ROBO2: variants seen among roughly 807,000 people sequenced by gnomAD.
ROBO2 encodes the protein roundabout homolog 2.
In ROBO2, 53 loss-of-function variants were observed where a neutral mutation model predicts 160.8. That is an observed-to-expected ratio of 0.33 (90% CI 0.26 to 0.41). The LOEUF is 0.41. Among genes scored for constraint, ROBO2 ranks in the 10% least tolerant of loss-of-function variants. ROBO2 has a pLI of 1.00. For synonymous variants in ROBO2, 664 were observed against 611.7 expected, an observed-to-expected ratio of 1.09 and a Z score of -1.26; for missense variants, 1,577 against 1,722.4, an observed-to-expected ratio of 0.92 and a Z score of 1.49.
At chr3:76,564,739 C>A (rs1055652388) in intron 2 of ROBO2, among the ~76,000 whole-genome samples, 17 of 152,130 alleles carry the variant, frequency 1.1e-4, no homozygotes, top group African/African-American at 3.9e-4. Flanking sequence ...TTTCATAGTT[C>A]ACATTTTTCT....
chr3:76,993,642 C>G (rs73106483), intron 2 of ROBO2, among the ~76,000 whole-genome samples: 2,111 of 152,116 alleles, frequency 0.014, 21 homozygotes, highest in Middle Eastern at 0.037. Context: ...CCTAACGGCT[C>G]TACTCAAACA....
At chr3:76,691,964 A>G (rs931184686) in intron 2 of ROBO2, among the ~76,000 whole-genome samples, 3 of 152,304 alleles carry the variant, frequency 2.0e-5, no homozygotes, top group Admixed American at 6.5e-5. Context: ...ATCTTAGCCA[A>G]GAATAGGGAG....
chr3:77,257,594 C>G (rs948581839), intron 2 of ROBO2, among the ~76,000 whole-genome samples: 3 of 152,128 alleles, frequency 2.0e-5, no homozygotes, highest in African/African-American at 7.2e-5. Flanking sequence ...TGCAAATAGT[C>G]AAAATAAAGA....
exon 26 of ROBO2, chr3:77,649,361 T>C (rs559939285): frequency 1.3e-5 from 2 of 152,310 alleles, no homozygotes; most frequent in South Asian, 4.1e-4. Context: ...CACCTCTCAA[T>C]TTCTATTCAA....
chr3:76,108,551 A>G (rs774457829), intron 2 of ROBO2, among the ~76,000 whole-genome samples: 24 of 151,844 alleles, frequency 1.6e-4, no homozygotes, highest in Admixed American at 5.9e-4. Flanking sequence ...GTTTTGAATT[A>G]TATCTATACT....
intron 2 of ROBO2, among the ~76,000 whole-genome samples, chr3:76,191,635 G>T (rs1702009742): frequency 6.6e-6 from 1 of 151,724 alleles, no homozygotes; most frequent in South Asian, 2.1e-4. Context: ...TTCCTGCTTT[G>T]ATTTTTCTGC....
At chr3:76,924,011 G>T (rs1379944152) in intron 2 of ROBO2, among the ~76,000 whole-genome samples, 3 of 152,140 alleles carry the variant, frequency 2.0e-5, no homozygotes, top group Non-Finnish European at 4.4e-5. Flanking sequence ...ATCATTAATT[G>T]TCATCTCTTA....
intron 2 of ROBO2, among the ~76,000 whole-genome samples, chr3:76,604,762 T>C (rs532806409): frequency 3.3e-5 from 5 of 152,290 alleles, no homozygotes; most frequent in African/African-American, 1.2e-4. Context: ...TCTATGTTAC[T>C]ACAGAGAGTT....
intron 2 of ROBO2, among the ~76,000 whole-genome samples, chr3:76,279,542 C>G (rs1037887152): frequency 2.6e-5 from 4 of 151,770 alleles, no homozygotes; most frequent in African/African-American, 9.7e-5. Context: ...GAGTAAAGGC[C>G]AATTTATAGA....
chr3:77,629,837 T>G (rs1198923596), intron 23 of ROBO2: 1 of 152,206 alleles, frequency 6.6e-6, no homozygotes, highest in Non-Finnish European at 1.5e-5. Flanking sequence ...TAATTCCATA[T>G]GCCTACTGTT....
chr3:77,116,546 A>G (rs2074219610), intron 2 of ROBO2, among the ~76,000 whole-genome samples: 3 of 149,082 alleles, frequency 2.0e-5, no homozygotes, highest in Admixed American at 2.0e-4. Context: ...GTTACTTGCC[A>G]TTAAACTTGG....
At chr3:76,285,763 T>G (rs998819583) in intron 2 of ROBO2, among the ~76,000 whole-genome samples, 1 of 152,188 alleles carries the variant, frequency 6.6e-6, no homozygotes, top group African/African-American at 2.4e-5. Context: ...AATTTAACCT[T>G]TCTCCAAAAT....
At chr3:75,948,971 C>T (rs2107166964) in intron 2 of ROBO2, among the ~76,000 whole-genome samples, 1 of 152,090 alleles carries the variant, frequency 6.6e-6, no homozygotes, top group East Asian at 1.9e-4. Context: ...GAAATGATTA[C>T]TGTTTAGTTT....
chr3:76,021,698 C>T (rs1187832387), intron 2 of ROBO2, among the ~76,000 whole-genome samples: 4 of 151,796 alleles, frequency 2.6e-5, no homozygotes, highest in Non-Finnish European at 5.9e-5. Flanking sequence ...AATGCACATA[C>T]TTTAATTTTA....
rs140832076 is a variant in ROBO2 at position 77,078,677 on chromosome 3, C to A, written c.62-19337C>A. Among the ~76,000 whole-genome samples, 222 of 152,262 alleles carry A rather than the reference C, an allele frequency of 1.5e-3. 1 individual carries two copies. The highest frequency in any genetic ancestry group is 5.0e-3 in the African/African-American group (207 of 41,546). On this transcript the variant is annotated intron_variant, in intron 1 of 25. Transcript: ENST00000461745. ...TCAGAGAGACAAAGTGTTCTAGTAG[C>A]AAATGTAAAACAGAGTTGGGCCCAA... is the stretch of plus-strand genomic sequence containing the variant.
chr3:76,764,267 C>G (rs918069493), intron 2 of ROBO2, among the ~76,000 whole-genome samples: 5 of 44,150 alleles, frequency 1.1e-4, no homozygotes, highest in African/African-American at 4.5e-4. Flanking sequence ...ATGTCAACAC[C>G]TGATTTCAAT....
chr3:77,250,216 A>C (rs1326994853), intron 2 of ROBO2, among the ~76,000 whole-genome samples: 2 of 152,172 alleles, frequency 1.3e-5, no homozygotes, highest in Non-Finnish European at 2.9e-5. Context: ...ATTCTTGGTC[A>C]AGTTATTTAA....
At chr3:77,036,015 CTTAAA>C (rs2063613744), upstream of ROBO2, among the ~76,000 whole-genome samples, 1 of 151,802 alleles carries the variant, frequency 6.6e-6, no homozygotes, top group South Asian at 2.1e-4. Flanking sequence ...CTGCGGTTTT[CTTAAA>C]TTGATCAGAG....
chr3:77,633,167 T>A (rs1415544282), intron 23 of ROBO2: 2 of 152,232 alleles, frequency 1.3e-5, no homozygotes, highest in Admixed American at 6.5e-5. Flanking sequence ...ATTGTTTGGC[T>A]AGTAAGATTT....
Sources: gnomAD v4.1 joint callset for allele counts (sites outside exome capture counted in the v4.1 genomes callset) on GRCh38, gnomAD v4.1.1 for gene constraint, MANE v1.5 for transcripts, NCBI Gene and HGNC (gene_info 2026-07-23, HGNC 2026-07-21) for gene names.